The following GPC5 variants were observed in gnomAD, a reference collection of about 807,000 sequenced individuals.
GPC5 encodes glypican-5.
In GPC5, 47 loss-of-function variants were observed where a neutral mutation model predicts 53.9. That is an observed-to-expected ratio of 0.87 (90% CI 0.69 to 1.11). GPC5 has a LOEUF of 1.11. GPC5 is among the 50% of genes most tolerant of loss of function. The pLI, the probability that GPC5 is intolerant of heterozygous loss-of-function variation, is 0.00. For synonymous variants in GPC5, 286 were observed against 263.3 expected (o/e 1.09, Z -0.84); for missense variants, 748 against 713.1 (o/e 1.05, Z -0.56).
At chr13:91,765,169 C>T (rs1279637523) in intron 5 of GPC5, among the ~76,000 whole-genome samples, 3 of 152,244 alleles carry the variant, frequency 2.0e-5, no homozygotes, top group Non-Finnish European at 4.4e-5. Context: ...CTTCCATTTG[C>T]GTAGGCATAG....
chr13:91,643,870 A>C (rs1333614117), intron 2 of GPC5, among the ~76,000 whole-genome samples: 1 of 151,922 alleles, frequency 6.6e-6, no homozygotes, highest in African/African-American at 2.4e-5. Flanking sequence ...TACTTAACTC[A>C]TTTTGTTTTC....
chr13:91,768,505 A>G (rs1420600785), intron 5 of GPC5, among the ~76,000 whole-genome samples: 1 of 152,204 alleles, frequency 6.6e-6, no homozygotes, highest in Non-Finnish European at 1.5e-5. Context: ...AATAATTCGC[A>G]TGCATTACTT....
At chr13:92,009,140 A>G (rs1429339104) in intron 6 of GPC5, among the ~76,000 whole-genome samples, 1 of 152,122 alleles carries the variant, frequency 6.6e-6, no homozygotes, top group African/African-American at 2.4e-5. Flanking sequence ...TTATGCGTCT[A>G]CTGAATAACA....
At chr13:92,327,427 G>A (rs12865700) in intron 7 of GPC5, among the ~76,000 whole-genome samples, 19,042 of 152,146 alleles carry the variant, frequency 0.13, 1,344 homozygotes, top group African/African-American at 0.18. Flanking sequence ...AAATTAGCAT[G>A]TTCTCTTAGA....
chr13:91,494,761 T>C (rs1452048568), intron 2 of GPC5, among the ~76,000 whole-genome samples: 1 of 152,200 alleles, frequency 6.6e-6, no homozygotes, highest in African/African-American at 2.4e-5. Context: ...ATACTAAAGT[T>C]CTTGCTTTTT....
intron 7 of GPC5, among the ~76,000 whole-genome samples, chr13:92,707,057 G>A (rs533315554): frequency 1.3e-5 from 2 of 152,260 alleles, no homozygotes; most frequent in South Asian, 4.2e-4. Context: ...CCAATAACCT[G>A]ACCATGGTGG....
intron 7 of GPC5, among the ~76,000 whole-genome samples, chr13:92,294,698 A>G (rs2043021319): frequency 6.7e-6 from 1 of 149,420 alleles, no homozygotes; most frequent in Non-Finnish European, 1.5e-5. Context: ...ATTTCACTTA[A>G]TTCTGCTCTA....
intron 7 of GPC5, among the ~76,000 whole-genome samples, chr13:92,587,878 C>A (rs750480390): frequency 2.0e-5 from 3 of 151,744 alleles, no homozygotes; most frequent in South Asian, 2.1e-4. Context: ...GGGTATAGAT[C>A]AGGTTTTTTG....
At chr13:92,002,130 C>T (rs886877803) in intron 6 of GPC5, among the ~76,000 whole-genome samples, 11 of 124,652 alleles carry the variant, frequency 8.8e-5, no homozygotes, top group Admixed American at 3.6e-4. Flanking sequence ...TACTTTGGAA[C>T]AACTGACAAA....
intron 2 of GPC5, among the ~76,000 whole-genome samples, chr13:91,572,027 GTA>G (rs1469698347): frequency 8.7e-6 from 1 of 114,728 alleles, no homozygotes; most frequent in African/African-American, 4.0e-5. Flanking sequence ...ATATACGTGT[GTA>G]TATATGTGTA....
intron 5 of GPC5, among the ~76,000 whole-genome samples, chr13:91,898,976 T>C (rs192094336): frequency 4.8e-4 from 73 of 152,320 alleles, no homozygotes; most frequent in African/African-American, 1.6e-3. Flanking sequence ...TGAGTGTAGC[T>C]AATTTAATGA....
Position 91,609,098 on chromosome 13 carries a change from T to A in GPC5, c.326-84089T>A, listed in dbSNP as rs374281429. On this transcript the variant is annotated intron_variant, in intron 2 of 7. Coordinates refer to ENST00000377067, the MANE Select transcript of GPC5 (RefSeq NM_004466.6). ...TTGTCAGGGAAGGAAAATCAATCTT[T>A]CAGGCATATTAAGTGAGGTAAATAT... Among the ~76,000 whole-genome samples the A allele has an allele frequency of 2.4e-5, 3 of 124,022 alleles. 1 individual carries two copies. In the South Asian group the frequency reaches 7.8e-4, roughly 32 times the overall value. The allele number at this position is 124,022 out of a possible 152,430, so 81.4% of individuals were successfully genotyped here.
chr13:92,142,263 T>C (rs1168128169), intron 6 of GPC5, among the ~76,000 whole-genome samples: 1 of 152,212 alleles, frequency 6.6e-6, no homozygotes, highest in African/African-American at 2.4e-5. Flanking sequence ...TTTTTGTAAA[T>C]TCAAAATCAA....
chr13:92,411,206 G>C (rs1876028520), intron 7 of GPC5, among the ~76,000 whole-genome samples: 1 of 152,120 alleles, frequency 6.6e-6, no homozygotes, highest in African/African-American at 2.4e-5. Context: ...GGAGGCAGAG[G>C]TTGCAGTGAG....
intron 7 of GPC5, among the ~76,000 whole-genome samples, chr13:92,228,712 A>G (rs904847902): frequency 2.0e-5 from 3 of 152,134 alleles, no homozygotes; most frequent in African/African-American, 7.2e-5. Context: ...TCTTTTAATT[A>G]TCATTTCTTA....
At chr13:92,162,887 T>TTG (rs199829425) in intron 7 of GPC5, among the ~76,000 whole-genome samples, 1 of 152,140 alleles carries the variant, frequency 6.6e-6, no homozygotes, top group East Asian at 1.9e-4. Flanking sequence ...ACTTTAGCAC[T>TTG]TGTGTGTGTG....
At chr13:91,557,786 G>A (rs1454017219) in intron 2 of GPC5, among the ~76,000 whole-genome samples, 3 of 152,048 alleles carry the variant, frequency 2.0e-5, no homozygotes, top group Non-Finnish European at 2.9e-5. Flanking sequence ...TTCTCAGATG[G>A]CAAACATAAT....
At chr13:92,059,737 G>T (rs1296493622) in intron 6 of GPC5, 1 of 151,706 alleles carries the variant, frequency 6.6e-6, no homozygotes, top group Non-Finnish European at 1.5e-5. Context: ...ATTGTGATTT[G>T]TTTACCACTG....
At chr13:91,723,173 T>C (rs1045238173) in intron 3 of GPC5, among the ~76,000 whole-genome samples, 1 of 152,148 alleles carries the variant, frequency 6.6e-6, no homozygotes, top group Non-Finnish European at 1.5e-5. Flanking sequence ...TTATTTATTT[T>C]TTTTTCATTT....
Sources: allele counts gnomAD v4.1 joint callset (sites outside exome capture counted in the v4.1 genomes callset), GRCh38; gene constraint gnomAD v4.1.1; transcripts MANE v1.5; gene names NCBI Gene and HGNC (gene_info 2026-07-23, HGNC 2026-07-21).